The following TMEM114 variants were observed in gnomAD, a reference collection of about 807,000 sequenced individuals.
TMEM114 encodes claudin-26.
A neutral mutation model predicts 6.2 loss-of-function variants in TMEM114; 6 were observed. That is an observed-to-expected ratio of 0.97 (90% CI 0.53 to 1.91). The LOEUF (loss-of-function observed/expected upper bound fraction) is 1.91. Among genes scored for constraint, TMEM114 ranks in the 40% most tolerant of loss-of-function variants. TMEM114 has a pLI of 0.01. For missense variants in TMEM114, 218 were observed against 158.3 expected, an observed-to-expected ratio of 1.38 and a Z score of -2.02; for synonymous variants, 104 against 73.0, an observed-to-expected ratio of 1.42 and a Z score of -2.16.
chr16:8,542,569 A>C (rs1900547433), intron 2 of TMEM114, among the ~76,000 whole-genome samples: 1 of 152,194 alleles, frequency 6.6e-6, no homozygotes, highest in African/African-American at 2.4e-5. Flanking sequence ...GAGTGGTTGG[A>C]AATGCAAATT....
intron 3 of TMEM114, among the ~76,000 whole-genome samples, chr16:8,570,213 C>G (rs1483361001): frequency 6.6e-6 from 1 of 152,248 alleles, no homozygotes; most frequent in African/African-American, 2.4e-5. Flanking sequence ...CCTTCCCACA[C>G]ATGGCAGCTC....
intron 2 of TMEM114, among the ~76,000 whole-genome samples, chr16:8,550,001 G>A (rs908576550): frequency 1.3e-5 from 2 of 152,152 alleles, no homozygotes; most frequent in African/African-American, 4.8e-5. Flanking sequence ...TGTAGCCAAA[G>A]GCCCAAGATC....
chr16:8,546,631 G>T (rs929211702), intron 2 of TMEM114, among the ~76,000 whole-genome samples: 1 of 152,136 alleles, frequency 6.6e-6, no homozygotes, highest in Non-Finnish European at 1.5e-5. Context: ...ATAACTAACA[G>T]CTTCCCTAAA....
At chr16:8,533,224 G>A (rs1900265795), downstream of TMEM114, among the ~76,000 whole-genome samples, 2 of 152,248 alleles carry the variant, frequency 1.3e-5, no homozygotes, top group South Asian at 4.1e-4. Context: ...TTGTTGAGAT[G>A]AAGGGATTAC....
At chr16:8,570,391 C>CAGCGA (rs1901694405) in intron 3 of TMEM114, among the ~76,000 whole-genome samples, 7 of 151,994 alleles carry the variant, frequency 4.6e-5, no homozygotes, top group Non-Finnish European at 8.8e-5. Context: ...TCTCAGCTTG[C>CAGCGA]TGCGATCTCA....
In TMEM114 at chr16:8,572,152, A is replaced by C; in HGVS notation, c.374T>G (p.Phe125Cys). The C allele has an allele frequency of 6.4e-7, 1 of 1,551,622 alleles. No individual in the cohort carries two copies. ...GTAGGCTTGGAGGAGGAAGCTCAGA[A>C]ACCCCGTCATCCCCCCAAAAACCAT... ...ILMVFGGMTG[F>C]LSFLLQAYLL... is the part of the protein sequence containing the mutation. The change falls in exon 3 of 4, where the codon TTT becomes TGT. Residue 125 changes from phenylalanine to cysteine, a missense_variant. Coordinates refer to ENST00000620492, the MANE Select transcript of TMEM114 (RefSeq NM_001146336.2).
At position 8,569,522 on chromosome 16, in the gene TMEM114, T is replaced by C; in HGVS notation, c.*251A>G. ...GTGTGTGATTAAAGGATCGTTTTTATTTCTCGCGAAGCGGTTTGGCACTCC... is the reference window on the plus strand; with the variant it reads ...GTGTGTGATTAAAGGATCGTTTTTACTTCTCGCGAAGCGGTTTGGCACTCC... On this transcript the variant is annotated 3_prime_UTR_variant, in exon 4 of 4. Transcript: ENST00000620492. The C allele has an allele frequency of 7.2e-7, 1 of 1,391,058 alleles. No homozygotes were observed. 86.2% of individuals were successfully genotyped at this position (1,391,058 alleles called of 1,614,324 possible).
exon 3 of TMEM114, chr16:8,537,762 T>C (rs1900401954): frequency 6.6e-6 from 1 of 152,196 alleles, no homozygotes; most frequent in East Asian, 1.9e-4. Context: ...CTGCAGAAGT[T>C]TTCCATTCTA....
chr16:8,552,408 A>G (rs1284598005), intron 2 of TMEM114, among the ~76,000 whole-genome samples: 1 of 151,952 alleles, frequency 6.6e-6, no homozygotes, highest in Non-Finnish European at 1.5e-5. Context: ...AAAATACTAC[A>G]AAGGGTAGCT....
At chr16:8,553,080 T>C (rs980805767) in intron 2 of TMEM114, among the ~76,000 whole-genome samples, 1 of 152,224 alleles carries the variant, frequency 6.6e-6, no homozygotes, top group Admixed American at 6.5e-5. Context: ...TCCTCCCCTT[T>C]GTTGCTCACC....
rs372604952 is a variant in TMEM114 at position 8,543,221 on chromosome 16, C to T, written n.213-5395G>A. Reference sequence around the variant, plus strand: ...GCCCCAATGGGGGACTAAGGAGAGACGGCATGAGGAGCACTTGTTCATTTT... The same window carrying T: ...GCCCCAATGGGGGACTAAGGAGAGATGGCATGAGGAGCACTTGTTCATTTT... On this transcript the variant is annotated intron_variant and non_coding_transcript_variant, in intron 2 of 2. Coordinates refer to the TMEM114 transcript ENST00000623677. Among the ~76,000 whole-genome samples the T allele has an allele frequency of 9.2e-5, 14 of 152,302 alleles. No individual in the cohort carries two copies. In the East Asian group the frequency reaches 9.6e-4, roughly 10 times the overall value.
At chr16:8,533,331 G>C (rs376478066), downstream of TMEM114, among the ~76,000 whole-genome samples, 9 of 152,346 alleles carry the variant, frequency 5.9e-5, no homozygotes, top group African/African-American at 2.2e-4. Context: ...AAGATCCCAA[G>C]GCAGAGTATT....
At chr16:8,547,695 C>T (rs773739082) in intron 2 of TMEM114, among the ~76,000 whole-genome samples, 9 of 152,102 alleles carry the variant, frequency 5.9e-5, no homozygotes, top group Admixed American at 2.0e-4. Context: ...CCAGCCAGCA[C>T]GCTCTCTTTA....
At chr16:8,530,816 G>A in the TMEM114 span, among the ~76,000 whole-genome samples, 1 of 152,128 alleles carries the variant, frequency 6.6e-6, no homozygotes. Flanking sequence ...TTGAGGCCAG[G>A]AGTTTGAGAC....
chr16:8,532,959 A>C (rs556222138), downstream of TMEM114, among the ~76,000 whole-genome samples: 1 of 152,166 alleles, frequency 6.6e-6, no homozygotes, highest in African/African-American at 2.4e-5. Context: ...AGAAATATTC[A>C]TTCATTCAAC....
At chr16:8,574,461 T>G (rs1901845635) in intron 2 of TMEM114, among the ~76,000 whole-genome samples, 1 of 152,166 alleles carries the variant, frequency 6.6e-6, no homozygotes, top group Non-Finnish European at 1.5e-5. Context: ...GGCACTAACT[T>G]TGGTGAGTCA....
chr16:8,528,814 G>T, the TMEM114 span, among the ~76,000 whole-genome samples: 2 of 152,186 alleles, frequency 1.3e-5, no homozygotes, highest in African/African-American at 4.8e-5. Context: ...CTGAGCACGC[G>T]CTCTGTGTGT....
downstream of TMEM114, among the ~76,000 whole-genome samples, chr16:8,566,969 C>CG (rs1901568029): frequency 7.2e-6 from 1 of 139,850 alleles, no homozygotes; most frequent in African/African-American, 2.7e-5. Context: ...GGTGCGATCT[C>CG]GGCTCACTGT....
intron 2 of TMEM114, among the ~76,000 whole-genome samples, chr16:8,576,704 CAGGAAGGA>C (rs71396282): frequency 0.31 from 39,844 of 128,952 alleles, 6,331 homozygotes; most frequent in Admixed American, 0.36. Flanking sequence ...TGAATGAGAG[CAGGAAGGA>C]AGGAAGGAAG....
Sources: gnomAD v4.1 joint callset for allele counts (sites outside exome capture counted in the v4.1 genomes callset) on GRCh38, gnomAD v4.1.1 for gene constraint, MANE v1.5 for transcripts, NCBI Gene and HGNC (gene_info 2026-07-23, HGNC 2026-07-21) for gene names.